The following DZIP1 variants were observed in gnomAD, a reference collection of about 807,000 sequenced individuals.
DZIP1 encodes cilium assembly protein DZIP1.
DZIP1 carries 97 observed loss-of-function variants against 107.6 expected under a neutral mutation model. The observed-to-expected ratio is 0.90, with a 90% confidence interval of 0.77 to 1.07. DZIP1 has a LOEUF of 1.07. DZIP1 is among the 50% of genes least tolerant of loss of function. DZIP1 has a pLI of 0.00. For synonymous variants in DZIP1, 390 were observed against 386.4 expected (o/e 1.01, Z -0.11); for missense variants, 1,035 against 1,063.6 (o/e 0.97, Z 0.37).
At chr13:95,638,495 C>T (rs536972993) in intron 5 of DZIP1, among the ~76,000 whole-genome samples, 5 of 152,220 alleles carry the variant, frequency 3.3e-5, no homozygotes, top group Admixed American at 6.5e-5. Flanking sequence ...ATTTGAAAAT[C>T]GATGAGATTT....
At chr13:95,593,127 TAC>T (rs1393185888) in intron 16 of DZIP1, among the ~76,000 whole-genome samples, 1 of 152,226 alleles carries the variant, frequency 6.6e-6, no homozygotes, top group Non-Finnish European at 1.5e-5. Context: ...TATAGCCACA[TAC>T]ACACATACTT....
chr13:95,612,360 T>C (rs938870989), intron 10 of DZIP1, among the ~76,000 whole-genome samples, 183 bp from the exon 11 acceptor site: 2 of 152,238 alleles, frequency 1.3e-5, no homozygotes, highest in African/African-American at 4.8e-5. Context: ...GTGCTTCATC[T>C]GTGTTCCCAA....
intron 21 of DZIP1, 84 bp from the exon 22 acceptor site, chr13:95,584,994 C>CT (rs1286477088): frequency 1.8e-6 from 2 of 1,103,088 alleles, no homozygotes; most frequent in East Asian, 4.8e-5. Flanking sequence ...GACTGAGCAT[C>CT]TAACACTGAA....
chr13:95,593,595 G>A (rs1446764729), intron 16 of DZIP1, among the ~76,000 whole-genome samples: 1 of 152,198 alleles, frequency 6.6e-6, no homozygotes, highest in Non-Finnish European at 1.5e-5. Context: ...ATATCAGAAT[G>A]TAAGCAGCAC....
chr13:95,590,406 T>C lies in DZIP1; in HGVS notation c.1716A>G (p.Arg572=). The C allele has an allele frequency of 1.9e-6, 3 of 1,611,380 alleles. No individual in the cohort carries two copies. Among genetic ancestry groups the C allele is most frequent in the Non-Finnish European group, 1.7e-6 (2 of 1,179,404 alleles). Residue 572 remains arginine, a synonymous_variant, in exon 17 of 23, where the codon AGA becomes AGG. Coordinates refer to ENST00000376829, the MANE Select transcript of DZIP1 (RefSeq NM_198968.4). ...TTTCTGATTCCACACTTTTTAGTAC[T>C]CTATGCAACTGATCACTTGAAATGC... ...IRGISSDQLH[R]VLKSVESERH...
intron 19 of DZIP1, among the ~76,000 whole-genome samples, chr13:95,588,677 G>T (rs1237841246): frequency 6.6e-6 from 1 of 152,158 alleles, no homozygotes; most frequent in Non-Finnish European, 1.5e-5. Context: ...AACTAAATCA[G>T]TAGCACACAG....
chr13:95,583,624 T>C (rs1390778388), intron 22 of DZIP1, among the ~76,000 whole-genome samples: 1 of 152,204 alleles, frequency 6.6e-6, no homozygotes, highest in Non-Finnish European at 1.5e-5. Context: ...TCATTTCAAG[T>C]AATTATCTCA....
At chr13:95,629,812 A>C (rs1876981358) in intron 7 of DZIP1, among the ~76,000 whole-genome samples, 177 bp downstream of exon 7, 1 of 152,200 alleles carries the variant, frequency 6.6e-6, no homozygotes, top group African/African-American at 2.4e-5. Context: ...ATAGAGAAAT[A>C]TATTTCCAGT....
chr13:95,594,120 G>T (rs772385935), intron 15 of DZIP1, 34 bp from the exon 16 acceptor site: 5 of 1,540,368 alleles, frequency 3.2e-6, no homozygotes, highest in Non-Finnish European at 4.4e-6. Flanking sequence ...GTTAAAAAAA[G>T]AATTAAGCAA....
chr13:95,622,570 TA>T, intron 8 of DZIP1, 90 bp from the exon 9 acceptor site: 1 of 1,469,438 alleles, frequency 6.8e-7, no homozygotes. Context: ...AGCTGTGTTT[TA>T]AATCTGACTG....
Position 95,579,173 on chromosome 13 carries a change from G to A in DZIP1, c.*3061C>T, listed in dbSNP as rs918506877. The stretch of plus-strand genomic sequence containing the variant: ...GGTTAAGGACATCCCAAGCCCAAGT[G>A]GTACGTGCCTCACTCAGAACTGACG... On this transcript the variant is annotated 3_prime_UTR_variant, in exon 23 of 23. Transcript: ENST00000376829. The A allele has an allele frequency of 2.6e-5, 4 of 152,122 alleles. No homozygotes were observed. Among genetic ancestry groups the A allele is most frequent in the Admixed American group, 2.0e-4 (3 of 15,260 alleles). The allele number at this position is 152,122 out of a possible 1,614,324, so 9.4% of individuals were successfully genotyped here.
In DZIP1 at chr13:95,587,576, G is replaced by T; in HGVS notation, c.2181C>A (p.Ser727Arg). ...VKSDADGTEGSEIEDTDDSPK... is the reference protein window; with the variant it reads ...VKSDADGTEGREIEDTDDSPK... ...GAGAATCATCAGTGTCCTCGATTTC[G>T]CTTCCCTCGGTCCCGTCCGCGTCAC... is the stretch of plus-strand genomic sequence containing the variant. The change falls in exon 20 of 23, where the codon AGC becomes AGA. Residue 727 changes from serine to arginine, a missense_variant. By Grantham distance (110) the Ser-to-Arg change is moderately radical. Transcript: ENST00000376829. 1.9e-6 allele frequency: 3 copies of T among 1,613,926 alleles called. No individual in the cohort carries two copies. Among genetic ancestry groups the T allele is most frequent in the Non-Finnish European group, 2.5e-6 (3 of 1,179,980 alleles).
At chr13:95,611,579 T>A in intron 11 of DZIP1, 86 bp from the exon 12 acceptor site, 1 of 1,118,632 alleles carries the variant, frequency 8.9e-7, no homozygotes, top group Non-Finnish European at 1.3e-6. Flanking sequence ...ATGTTGTTAG[T>A]AAATTAACCT....
intron 3 of DZIP1, 28 bp from the exon 4 acceptor site, chr13:95,642,269 C>T: frequency 4.2e-6 from 2 of 476,364 alleles, no homozygotes; most frequent in Non-Finnish European, 7.2e-6. Context: ...ACCTCTTGGA[C>T]GAGCCCGAGT....
intron 22 of DZIP1, among the ~76,000 whole-genome samples, chr13:95,583,078 G>A (rs2044054152): frequency 6.6e-6 from 1 of 152,078 alleles, no homozygotes; most frequent in African/African-American, 2.4e-5. Flanking sequence ...TCTTACAAAG[G>A]GGCGAGAGGC....
chr13:95,639,799 A>G (rs1187288889), intron 5 of DZIP1, among the ~76,000 whole-genome samples: 1 of 152,086 alleles, frequency 6.6e-6, no homozygotes, highest in East Asian at 1.9e-4. Context: ...AATCCATTAT[A>G]TTCGTTGCAC....
In DZIP1 at chr13:95,641,740, G is replaced by T; in HGVS notation, c.152C>A (p.Ala51Asp). The change falls in exon 5 of 23, where the codon GCT becomes GAT. Residue 51 changes from alanine to aspartate, a missense_variant. Transcript: ENST00000376829. This position sits in a 1 kb window ranked among gnomAD's most constrained non-coding sequence, Gnocchi z 4.3. ...ASMACAPPSA[A>D]SGPLPFFQFR... ...CTGGAAGAAGGGCAGGGGCCCCGAAGCCGCGCTGGGGGGCGCACAGGCCAT... is the reference window on the plus strand; with the variant it reads ...CTGGAAGAAGGGCAGGGGCCCCGAATCCGCGCTGGGGGGCGCACAGGCCAT... 6.3e-7 allele frequency: 1 copy of T among 1,592,480 alleles called. No homozygotes were observed. Among genetic ancestry groups the T allele is most frequent in the Non-Finnish European group, 8.5e-7 (1 of 1,175,118 alleles).
intron 14 of DZIP1, 139 bp from the exon 15 acceptor site, chr13:95,599,563 A>G (rs201983454): frequency 1.4e-6 from 1 of 705,226 alleles, no homozygotes; most frequent in Non-Finnish European, 2.4e-6. Context: ...TGAGGAAAAA[A>G]CGTTGAGGCA....
chr13:95,624,638 A>T (rs528793583), intron 8 of DZIP1, 130 bp downstream of exon 8: 1 of 826,264 alleles, frequency 1.2e-6, no homozygotes, highest in Admixed American at 2.7e-5. Flanking sequence ...CTCCCTCAAG[A>T]CTCTCAGGGA....
Sources: allele counts gnomAD v4.1 joint callset (sites outside exome capture counted in the v4.1 genomes callset), GRCh38; gene constraint gnomAD v4.1.1; non-coding constraint Gnocchi (gnomAD v3.1); transcripts MANE v1.5; gene names NCBI Gene and HGNC (gene_info 2026-07-23, HGNC 2026-07-21).